AGBL1: variants seen among roughly 807,000 people sequenced by gnomAD.
AGBL1 encodes the protein cytosolic carboxypeptidase 4.
In AGBL1, 130 loss-of-function variants were observed where a neutral mutation model predicts 118.9. The ratio of observed to expected loss-of-function variants is 1.09; its 90% CI spans 0.95 to 1.26. AGBL1 has a LOEUF of 1.26. AGBL1 is among the 50% of genes most tolerant of loss of function. The pLI, the probability that AGBL1 is intolerant of heterozygous loss-of-function variation, is 0.00. For synonymous variants in AGBL1, 555 were observed against 478.9 expected (o/e 1.16, Z -2.08); for missense variants, 1,584 against 1,298.1 (o/e 1.22, Z -3.38).
At chr15:86,655,053 C>T (rs1440013029) in intron 21 of AGBL1, among the ~76,000 whole-genome samples, 2 of 152,098 alleles carry the variant, frequency 1.3e-5, no homozygotes, top group African/African-American at 2.4e-5. Context: ...AAAGGTGATG[C>T]ATCTGTTTAT....
At chr15:86,248,707 C>T (rs1721867262) in intron 7 of AGBL1, among the ~76,000 whole-genome samples, 1 of 152,098 alleles carries the variant, frequency 6.6e-6, no homozygotes, top group African/African-American at 2.4e-5. Context: ...ACAAACGAGG[C>T]CCTTGATCCT....
intron 22 of AGBL1, among the ~76,000 whole-genome samples, chr15:86,885,612 G>A (rs1178113947): frequency 6.6e-6 from 1 of 152,112 alleles, no homozygotes; most frequent in East Asian, 1.9e-4. Context: ...CATGCTACCT[G>A]ACTGTAATAT....
chr15:86,435,499 C>A (rs1390144995), intron 18 of AGBL1, among the ~76,000 whole-genome samples: 1 of 152,182 alleles, frequency 6.6e-6, no homozygotes, highest in Admixed American at 6.5e-5. Flanking sequence ...AAAGGTGCTC[C>A]ATTTAGGCTA....
In AGBL1 at chr15:86,940,035, A is replaced by G. The variant is rs188940581; in HGVS notation, c.3222-47952A>G. On this transcript the variant is annotated intron_variant, in intron 23 of 24. Coordinates refer to the AGBL1 transcript ENST00000441037. Reference sequence around the variant, plus strand: ...TAGCTGGAACTACAGGCATGTGTCAACAAACTCAGCTAATTTTGGTAGTCC... The same window carrying G: ...TAGCTGGAACTACAGGCATGTGTCAGCAAACTCAGCTAATTTTGGTAGTCC... 2.0e-3 allele frequency among the ~76,000 whole-genome samples: 295 copies of G among 148,098 alleles called. 1 individual carries two copies. Among genetic ancestry groups the G allele is most frequent in the Admixed American group, 4.4e-3 (65 of 14,792 alleles).
chr15:86,801,564 A>G (rs546644618), intron 22 of AGBL1, among the ~76,000 whole-genome samples: 4 of 152,252 alleles, frequency 2.6e-5, no homozygotes, highest in South Asian at 2.1e-4. Context: ...AAAGGAAGAT[A>G]CTACATTCCC....
At chr15:86,849,779 T>C (rs896882743) in intron 22 of AGBL1, among the ~76,000 whole-genome samples, 1 of 152,168 alleles carries the variant, frequency 6.6e-6, no homozygotes, top group Non-Finnish European at 1.5e-5. Flanking sequence ...CAGATCCTCA[T>C]CCTAGGCAGC....
intron 22 of AGBL1, among the ~76,000 whole-genome samples, chr15:86,883,058 T>A (rs932877724): frequency 6.6e-6 from 1 of 152,316 alleles, no homozygotes; most frequent in East Asian, 1.9e-4. Context: ...GAGAAAATAT[T>A]GGTATTGCAT....
At chr15:86,466,045 C>G (rs1020311057) in intron 18 of AGBL1, among the ~76,000 whole-genome samples, 1 of 152,164 alleles carries the variant, frequency 6.6e-6, no homozygotes, top group Non-Finnish European at 1.5e-5. Flanking sequence ...TGTAAAATTT[C>G]TTTCTTTTGT....
intron 21 of AGBL1, among the ~76,000 whole-genome samples, chr15:86,590,545 C>T (rs2084319991): frequency 6.6e-6 from 1 of 152,164 alleles, no homozygotes; most frequent in South Asian, 2.1e-4. Context: ...TTATAAATTA[C>T]CCGGTCTCTG....
In AGBL1 at chr15:86,162,006, T is replaced by C. The variant is rs1424818018; in HGVS notation, c.488+2980T>C. Among the ~76,000 whole-genome samples, 3 of 152,336 alleles carry C rather than the reference T, an allele frequency of 2.0e-5. No individual in the cohort carries two copies. In the East Asian group the frequency reaches 5.8e-4, roughly 29 times the overall value. ...TGTTAATCATTATTAATACAAATAC[T>C]ATGGGATGTCTGGTTGCCTGCTGCA... On this transcript the variant is annotated intron_variant, in intron 5 of 22. Coordinates refer to ENST00000614907, the MANE Select transcript of AGBL1 (RefSeq NM_001386094.1).
intron 17 of AGBL1, among the ~76,000 whole-genome samples, chr15:86,385,101 G>C (rs924170995): frequency 6.6e-6 from 1 of 152,102 alleles, no homozygotes; most frequent in African/African-American, 2.4e-5. Flanking sequence ...AAATTGCTCT[G>C]TGCTGCAAGT....
chr15:86,148,824 G>A (rs1034641996), intron 3 of AGBL1, among the ~76,000 whole-genome samples: 5 of 152,128 alleles, frequency 3.3e-5, no homozygotes, highest in African/African-American at 1.2e-4. Context: ...ACACATAATT[G>A]TCAGATTCAC....
chr15:86,119,073 G>T (rs1205146624), intron 1 of AGBL1, among the ~76,000 whole-genome samples: 2 of 152,152 alleles, frequency 1.3e-5, no homozygotes, highest in Non-Finnish European at 2.9e-5. Context: ...CAAAGTGCTT[G>T]CTCCTTTCTC....
chr15:86,687,634 A>G (rs2086083351), intron 22 of AGBL1, among the ~76,000 whole-genome samples: 2 of 152,212 alleles, frequency 1.3e-5, no homozygotes, highest in South Asian at 4.1e-4. Flanking sequence ...AAGCAGAAGT[A>G]TGAGTGCCAT....
intron 21 of AGBL1, among the ~76,000 whole-genome samples, chr15:86,647,503 C>G (rs1170146159): frequency 6.6e-6 from 1 of 152,140 alleles, no homozygotes; most frequent in Non-Finnish European, 1.5e-5. Context: ...GAGTTTGAAA[C>G]CAGCCTGCCC....
At chr15:86,781,387 C>T (rs946359567) in intron 22 of AGBL1, among the ~76,000 whole-genome samples, 5 of 151,982 alleles carry the variant, frequency 3.3e-5, no homozygotes, top group Non-Finnish European at 7.4e-5. Context: ...ATAGGTTTCC[C>T]TTAATATTTC....
intron 22 of AGBL1, among the ~76,000 whole-genome samples, chr15:86,834,610 G>C (rs1262203701): frequency 6.6e-6 from 1 of 152,110 alleles, no homozygotes; most frequent in Non-Finnish European, 1.5e-5. Context: ...CACTGTATCA[G>C]GCACCTCCTT....
chr15:86,337,944 A>T (rs2080399776), intron 17 of AGBL1, among the ~76,000 whole-genome samples: 1 of 152,250 alleles, frequency 6.6e-6, no homozygotes, highest in Admixed American at 6.5e-5. Flanking sequence ...CCAAATATTT[A>T]TCAAGTGTCT....
intron 18 of AGBL1, among the ~76,000 whole-genome samples, chr15:86,407,095 C>G (rs1567240856): frequency 1.3e-5 from 2 of 152,186 alleles, no homozygotes; most frequent in South Asian, 4.1e-4. Flanking sequence ...TGCTTGTTAA[C>G]ACTACACATT....
Sources: allele counts gnomAD v4.1 joint callset (sites outside exome capture counted in the v4.1 genomes callset), GRCh38; gene constraint gnomAD v4.1.1; transcripts MANE v1.5; gene names NCBI Gene and HGNC (gene_info 2026-07-23, HGNC 2026-07-21).